The following MED4 variants were observed in gnomAD, a reference collection of about 807,000 sequenced individuals.
The protein encoded by MED4 is mediator complex subunit 4.
A neutral mutation model predicts 35.0 loss-of-function variants in MED4; 21 were observed. The ratio of observed to expected loss-of-function variants is 0.60; its 90% confidence interval spans 0.43 to 0.86. The LOEUF (loss-of-function observed/expected upper bound fraction) is 0.86. Among genes scored for constraint, MED4 ranks in the 40% least tolerant of loss-of-function variants. The pLI, the probability that MED4 is intolerant of heterozygous loss-of-function variation, is 0.00. For synonymous variants in MED4, 138 were observed against 114.0 expected (o/e 1.21, Z -1.34); for missense variants, 300 against 319.4 (o/e 0.94, Z 0.46).
Position 48,075,806 on chromosome 13 carries a change from T to G in MED4, c.*1333A>C, listed in dbSNP as rs1242795736. The G allele has an allele frequency of 6.6e-6, 1 of 152,218 alleles. No individual in the cohort carries two copies. Among genetic ancestry groups the G allele is most frequent in the African/African-American group, 2.4e-5 (1 of 41,446 alleles). 9.4% of individuals were successfully genotyped at this position (152,218 alleles called of 1,614,324 possible). On this transcript the variant is annotated 3_prime_UTR_variant, in exon 7 of 7. Transcript: ENST00000258648. Reference sequence around the variant, plus strand: ...TATACGGACAAGGCAAGGTTAAAATTAGATATTGTGTTAGTCCATTCCTAA... The same window carrying G: ...TATACGGACAAGGCAAGGTTAAAATGAGATATTGTGTTAGTCCATTCCTAA...
rs1011798374 is a variant in MED4, at chr13:48,086,409, A to G, written c.236T>C (p.Leu79Pro). ...LIHRDGEFQE[L>P]MKLALNQGKI... The stretch of plus-strand genomic sequence containing the variant: ...TCCCTGATTAAGTGCCAATTTCATT[A>G]GTTCTTGAAATTCCCCATCTCGGTG... The change falls in exon 3 of 7, where the codon CTA becomes CCA. Residue 79 changes from leucine to proline, a missense_variant. By Grantham distance (98) the Leu-to-Pro change is moderately conservative. Coordinates refer to ENST00000258648, the MANE Select transcript of MED4 (RefSeq NM_014166.4). 5 of 1,613,516 alleles carry G rather than the reference A, an allele frequency of 3.1e-6. No homozygotes were observed. Among genetic ancestry groups the G allele is most frequent in the Non-Finnish European group, 4.2e-6 (5 of 1,179,856 alleles).
At chr13:48,091,251 AAT>A (rs1417779665) in intron 1 of MED4, among the ~76,000 whole-genome samples, 9 of 152,246 alleles carry the variant, frequency 5.9e-5, no homozygotes, top group Non-Finnish European at 1.2e-4. Flanking sequence ...TCATTTAATA[AAT>A]ATGACAATTT....
intron 1 of MED4, among the ~76,000 whole-genome samples, chr13:48,092,103 C>CT (rs1231333678): frequency 6.6e-6 from 1 of 151,966 alleles, no homozygotes; most frequent in Admixed American, 6.6e-5. Context: ...GTGTTTCATT[C>CT]TTTTTTTATT....
Position 48,077,180 on chromosome 13 carries a change from T to A in MED4, c.772A>T (p.Met258Leu). Residue 258 changes from methionine to leucine, a missense_variant, in exon 7 of 7, where the codon ATG becomes TTG. Physicochemically the swap from Met to Leu is conservative, Grantham distance 15. Transcript: ENST00000258648. ...NKENEDDVEI[M>L]STDSSSSSSE... is the part of the protein sequence containing the mutation. The stretch of plus-strand genomic sequence containing the variant: ...CTACTGCTTGAGGAGTCCGTTGACA[T>A]AATCTCTACATCATCTTCATTTTCT... The A allele has an allele frequency of 6.2e-7, 1 of 1,609,766 alleles. No homozygotes were observed. Among genetic ancestry groups the A allele is most frequent in the Non-Finnish European group, 8.5e-7 (1 of 1,178,568 alleles).
chr13:48,077,349 T>A, intron 6 of MED4, 38 bp from the exon 7 acceptor site: 1 of 1,382,610 alleles, frequency 7.2e-7, no homozygotes, highest in Non-Finnish European at 9.5e-7. Context: ...AACAGCTCTA[T>A]CTGTAATTAA....
intron 2 of MED4, among the ~76,000 whole-genome samples, 186 bp from the exon 3 acceptor site, chr13:48,086,638 C>T (rs917600419): frequency 3.3e-5 from 5 of 152,090 alleles, no homozygotes; most frequent in African/African-American, 9.7e-5. Context: ...TAATATCAAA[C>T]TTTTCTACTT....
chr13:48,090,324 T>G (rs1950881675), intron 2 of MED4, 28 bp downstream of exon 2: 1 of 1,506,850 alleles, frequency 6.6e-7, no homozygotes, highest in Non-Finnish European at 8.9e-7. Flanking sequence ...CAAAGAGAAA[T>G]TAACTAATTT....
At chr13:48,084,147 C>G (rs1459748178) in intron 3 of MED4, among the ~76,000 whole-genome samples, 1 of 151,928 alleles carries the variant, frequency 6.6e-6, no homozygotes, top group East Asian at 1.9e-4. Context: ...CCTATCTCAG[C>G]TACTTGGGAG....
intron 2 of MED4, among the ~76,000 whole-genome samples, chr13:48,088,670 A>G (rs558262002): frequency 1.3e-5 from 2 of 152,232 alleles, no homozygotes; most frequent in Non-Finnish European, 2.9e-5. Context: ...CAGTAGAAAA[A>G]AATTATTCAA....
At chr13:48,091,847 G>A (rs1017074575) in intron 1 of MED4, among the ~76,000 whole-genome samples, 78 of 152,176 alleles carry the variant, frequency 5.1e-4, no homozygotes, top group African/African-American at 1.7e-3. Flanking sequence ...CAATAGGGTG[G>A]TCAGAGAAGG....
intron 6 of MED4, among the ~76,000 whole-genome samples, chr13:48,078,737 C>T (rs1417298005): frequency 6.6e-6 from 1 of 152,184 alleles, no homozygotes; most frequent in Non-Finnish European, 1.5e-5. Flanking sequence ...CTCCCCATAT[C>T]TGTTTTTCCT....
chr13:48,087,246 T>C (rs1373974079), intron 2 of MED4, among the ~76,000 whole-genome samples: 2 of 151,806 alleles, frequency 1.3e-5, no homozygotes, highest in African/African-American at 4.8e-5. Context: ...ATGCCTATAA[T>C]CCCAGGTACT....
In MED4 at chr13:48,084,611, A is replaced by G. The variant is rs143021359; in HGVS notation, c.364-1183T>C. 2.6e-5 allele frequency among the ~76,000 whole-genome samples: 4 copies of G among 152,346 alleles called. No homozygotes were observed. The East Asian group carries it at 7.7e-4, about 29-fold the overall frequency. On this transcript the variant is annotated intron_variant, in intron 3 of 6. Coordinates refer to ENST00000258648, the MANE Select transcript of MED4 (RefSeq NM_014166.4). ...TTATATGAAAAATGCTTAAGTTTCA[A>G]TAAACAGTAATTGAAAGTCTGTTAG...
intron 1 of MED4, among the ~76,000 whole-genome samples, chr13:48,092,682 A>C (rs559266063): frequency 5.3e-5 from 8 of 152,336 alleles, no homozygotes; most frequent in Non-Finnish European, 1.0e-4. Context: ...AGCTAACAGG[A>C]CTTGCTGATG....
At chr13:48,094,777 C>G (rs1375552110) in intron 1 of MED4, among the ~76,000 whole-genome samples, 177 bp downstream of exon 1, 3 of 152,160 alleles carry the variant, frequency 2.0e-5, no homozygotes, top group Non-Finnish European at 4.4e-5. Flanking sequence ...CGGGAAAAAC[C>G]GCCGCCCAGA....
At chr13:48,082,030 G>A (rs1566117998) in intron 4 of MED4, among the ~76,000 whole-genome samples, 1 of 152,208 alleles carries the variant, frequency 6.6e-6, no homozygotes, top group Non-Finnish European at 1.5e-5. Flanking sequence ...AAAGCATAGT[G>A]AGCACAAATA....
intron 3 of MED4, among the ~76,000 whole-genome samples, chr13:48,084,265 CAAAAAAAAAAAAAAA>C (rs71099664): frequency 9.1e-6 from 1 of 109,974 alleles, no homozygotes; most frequent in African/African-American, 3.6e-5. Context: ...GACTCTGTCT[CAAAAAAAAAAAAAAA>C]AAAAAAAAAA....
chr13:48,092,760 C>A (rs574473476), intron 1 of MED4, among the ~76,000 whole-genome samples: 1 of 152,316 alleles, frequency 6.6e-6, no homozygotes, highest in Admixed American at 6.5e-5. Context: ...GAGACATAGA[C>A]GGTTGAGAAC....
Position 48,090,376 on chromosome 13 carries a change from C to T in MED4, c.168G>A (p.Leu56=). Residue 56 remains leucine, a synonymous_variant, in exon 2 of 7, where the codon TTG becomes TTA. Transcript: ENST00000258648. ...EMLAISRNQK[L]LQAGEENQVL... ...CCTGGTTTTCCTCTCCAGCCTGTAA[C>T]AACTTTTGGTTTCTTGAAATTGCCA... is the stretch of plus-strand genomic sequence containing the variant. 1 of 1,594,110 alleles carries T rather than the reference C, an allele frequency of 6.3e-7. No homozygotes were observed. The highest frequency in any genetic ancestry group is 8.5e-7 in the Non-Finnish European group (1 of 1,172,722).
Sources: gnomAD v4.1 joint callset for allele counts (sites outside exome capture counted in the v4.1 genomes callset) on GRCh38, gnomAD v4.1.1 for gene constraint, MANE v1.5 for transcripts, NCBI Gene and HGNC (gene_info 2026-07-23, HGNC 2026-07-21) for gene names.